The following ZNF679 variants were observed in gnomAD, a reference collection of about 807,000 sequenced individuals.
ZNF679 encodes hypothetical protein MGC42415.
ZNF679 carries 10 observed loss-of-function variants against 13.4 expected under a neutral mutation model. The ratio of observed to expected loss-of-function variants is 0.75; its 90% CI spans 0.46 to 1.27. The LOEUF (loss-of-function observed/expected upper bound fraction) is 1.27, where lower values mean the gene tolerates loss of function less well. Among genes scored for constraint, ZNF679 ranks in the 50% most tolerant of loss-of-function variants. ZNF679 has a pLI of 0.00. For synonymous variants in ZNF679, 179 were observed against 162.5 expected (o/e 1.10, Z -0.77); for missense variants, 525 against 477.8 (o/e 1.10, Z -0.92).
intron 1 of ZNF679, among the ~76,000 whole-genome samples, chr7:64,244,718 A>G (rs1417693612): frequency 6.6e-6 from 1 of 152,182 alleles, no homozygotes; most frequent in African/African-American, 2.4e-5. Context: ...CAGAAATTGA[A>G]CCCTGAACTC....
At chr7:64,235,386 T>G (rs1002455957) in intron 1 of ZNF679, among the ~76,000 whole-genome samples, 1 of 148,636 alleles carries the variant, frequency 6.7e-6, no homozygotes, top group African/African-American at 2.5e-5. Context: ...AAATTTATAG[T>G]GCTATATTGC....
intron 1 of ZNF679, among the ~76,000 whole-genome samples, chr7:64,239,145 T>C (rs910914276): frequency 6.6e-5 from 10 of 152,150 alleles, no homozygotes; most frequent in African/African-American, 1.9e-4. Flanking sequence ...CAGCTCATGA[T>C]TGAGGTTCTG....
intron 1 of ZNF679, among the ~76,000 whole-genome samples, chr7:64,236,320 A>G (rs1158742917): frequency 1.3e-5 from 2 of 152,002 alleles, no homozygotes; most frequent in African/African-American, 4.8e-5. Context: ...TCTTATTTTT[A>G]TTTTGTATTT....
At chr7:64,251,840 T>C (rs555178797) in intron 2 of ZNF679, among the ~76,000 whole-genome samples, 3 of 152,348 alleles carry the variant, frequency 2.0e-5, no homozygotes, top group Non-Finnish European at 4.4e-5. Flanking sequence ...AACGAATGCC[T>C]TGGGGCTGTG....
intron 1 of ZNF679, among the ~76,000 whole-genome samples, chr7:64,247,377 G>A (rs1263236950): frequency 1.3e-5 from 2 of 152,116 alleles, no homozygotes; most frequent in African/African-American, 4.8e-5. Flanking sequence ...ACAGAGTGCT[G>A]GAATGTGGCT....
intron 2 of ZNF679, among the ~76,000 whole-genome samples, chr7:64,259,239 C>T (rs151103036): frequency 8.3e-4 from 126 of 152,198 alleles, no homozygotes; most frequent in Admixed American, 9.8e-4. Context: ...ATATTTTCTT[C>T]ATCTTGGATT....
rs186800690 is a variant in ZNF679 at position 64,249,071 on chromosome 7, G to A, written c.-47G>A. The A allele has an allele frequency of 1.7e-4, 272 of 1,613,430 alleles. 5 individuals carry two copies. In the Middle Eastern group the frequency reaches 0.011, roughly 63 times the overall value. On this transcript the variant is annotated 5_prime_UTR_variant, in exon 2 of 5. Coordinates refer to ENST00000421025, the MANE Select transcript of ZNF679 (RefSeq NM_153363.3). ...CACTGCTCTGCGTCCTCTGTTCCTA[G>A]AGGCCAAGCCACTGTGGCCTTGTGT...
At chr7:64,234,828 G>C (rs1230429388) in intron 1 of ZNF679, among the ~76,000 whole-genome samples, 1 of 152,044 alleles carries the variant, frequency 6.6e-6, no homozygotes, top group African/African-American at 2.4e-5. Flanking sequence ...TCTAGGTCTA[G>C]GGGACTCATA....
intron 1 of ZNF679, among the ~76,000 whole-genome samples, chr7:64,239,517 T>C (rs1787767358): frequency 6.6e-6 from 1 of 152,216 alleles, no homozygotes; most frequent in Non-Finnish European, 1.5e-5. Context: ...AACACACAGA[T>C]ATCTTGTGAC....
In ZNF679 at chr7:64,266,488, C is replaced by T. The variant is rs1424303318; in HGVS notation, c.855C>T (p.Asn285=). 6.2e-7 allele frequency: 1 copy of T among 1,608,978 alleles called. No homozygotes were observed. The change falls in exon 5 of 5, where the codon AAC becomes AAT. Residue 285 remains asparagine, a synonymous_variant. Transcript: ENST00000421025. ...QAFSRSSTLA[N]HKRIHTGEKP... is the part of the protein sequence containing the mutation. The stretch of plus-strand genomic sequence containing the variant: ...TTAGCCGCTCCTCAACACTTGCTAA[C>T]CACAAGAGAATTCATACTGGAGAGA...
At chr7:64,236,479 A>AC (rs1432175932) in intron 1 of ZNF679, among the ~76,000 whole-genome samples, 1 of 151,790 alleles carries the variant, frequency 6.6e-6, no homozygotes, top group African/African-American at 2.4e-5. Context: ...GAATAAGAGA[A>AC]CCTGATATAA....
chr7:64,254,975 G>C lies in ZNF679; in HGVS notation c.40-5246G>C, dbSNP rs533780268. 6.0e-5 allele frequency among the ~76,000 whole-genome samples: 8 copies of C among 133,902 alleles called. No homozygotes were observed. In the South Asian group the frequency reaches 2.0e-3, roughly 34 times the overall value. The allele number at this position is 133,902 out of a possible 152,430, so 87.8% of individuals were successfully genotyped here. On this transcript the variant is annotated intron_variant, in intron 2 of 4. Coordinates refer to ENST00000421025, the MANE Select transcript of ZNF679 (RefSeq NM_153363.3). ...AGATCATGCCACTGCACTCCAGCCT[G>C]GGCAACAGAGTGAGACTCCATCTCA...
intron 2 of ZNF679, among the ~76,000 whole-genome samples, chr7:64,250,995 A>C (rs1787937666): frequency 6.6e-6 from 1 of 152,120 alleles, no homozygotes; most frequent in Admixed American, 6.6e-5. Flanking sequence ...CCCAAATGCC[A>C]ACTTTTCTTT....
At chr7:64,259,678 A>G (rs1401708392) in intron 2 of ZNF679, among the ~76,000 whole-genome samples, 2 of 152,322 alleles carry the variant, frequency 1.3e-5, no homozygotes, top group East Asian at 3.9e-4. Flanking sequence ...TAGTAATCCC[A>G]GCACTTTGGG....
At chr7:64,237,610 T>C (rs1787744881) in intron 1 of ZNF679, among the ~76,000 whole-genome samples, 1 of 152,136 alleles carries the variant, frequency 6.6e-6, no homozygotes, top group African/African-American at 2.4e-5. Flanking sequence ...CAGCCAACTA[T>C]TCAACACCAA....
At chr7:64,236,926 A>G (rs555522826) in intron 1 of ZNF679, among the ~76,000 whole-genome samples, 57 of 33,956 alleles carry the variant, frequency 1.7e-3, no homozygotes, top group African/African-American at 8.4e-3. Context: ...AAGAAAGAAG[A>G]AAGAAAGAAA....
intron 2 of ZNF679, among the ~76,000 whole-genome samples, chr7:64,251,838 C>T (rs1787947988): frequency 1.3e-5 from 2 of 152,184 alleles, no homozygotes; most frequent in African/African-American, 4.8e-5. Flanking sequence ...CAAACGAATG[C>T]CTTGGGGCTG....
intron 1 of ZNF679, among the ~76,000 whole-genome samples, chr7:64,229,163 A>C (rs118168320): frequency 0.036 from 5,439 of 152,224 alleles, 171 homozygotes; most frequent in East Asian, 0.16. Flanking sequence ...CTGGGCCCAG[A>C]AATGAGTCAG....
At chr7:64,243,045 T>C (rs1477105199) in intron 1 of ZNF679, among the ~76,000 whole-genome samples, 1 of 152,180 alleles carries the variant, frequency 6.6e-6, no homozygotes, top group East Asian at 1.9e-4. Flanking sequence ...CTGCTGGGTG[T>C]GCCTGTAAGA....
Sources: gnomAD v4.1 joint callset for allele counts (sites outside exome capture counted in the v4.1 genomes callset) on GRCh38, gnomAD v4.1.1 for gene constraint, MANE v1.5 for transcripts, NCBI Gene and HGNC (gene_info 2026-07-23, HGNC 2026-07-21) for gene names.